Variants in RILPL1 observed in about 807,000 individuals in gnomAD.
The protein encoded by RILPL1 is Rab interacting lysosomal protein like 1, also known as RILP-like protein 1.
A neutral mutation model predicts 50.3 loss-of-function variants in RILPL1; 33 were observed. That is an observed-to-expected ratio of 0.66 (90% CI 0.50 to 0.88). RILPL1 has a LOEUF of 0.88. RILPL1 is among the 40% of genes least tolerant of loss of function. RILPL1 has a pLI of 0.00. For synonymous variants in RILPL1, 205 were observed against 228.6 expected (o/e 0.90, Z 0.93); for missense variants, 418 against 542.5 (o/e 0.77, Z 2.28).
intron 2 of RILPL1, among the ~76,000 whole-genome samples, chr12:123,503,601 T>C (rs1425309329): frequency 6.6e-6 from 1 of 152,084 alleles, no homozygotes; most frequent in Non-Finnish European, 1.5e-5. Context: ...TGTGGTCCCG[T>C]GGCCTTCTCC....
At chr12:123,520,870 C>T (rs1243166312) in intron 2 of RILPL1, among the ~76,000 whole-genome samples, 1 of 152,152 alleles carries the variant, frequency 6.6e-6, no homozygotes, top group Non-Finnish European at 1.5e-5. Flanking sequence ...TGGAACACCA[C>T]GGCGGATCAA....
At chr12:123,499,351 G>T in intron 3 of RILPL1, 67 bp downstream of exon 3, 1 of 1,052,834 alleles carries the variant, frequency 9.5e-7, no homozygotes, top group Non-Finnish European at 1.5e-6. Flanking sequence ...GCTGAGTGGA[G>T]GGTCTGGTCT....
intron 4 of RILPL1, among the ~76,000 whole-genome samples, chr12:123,492,472 T>C (rs1217685255): frequency 6.6e-6 from 1 of 151,402 alleles, no homozygotes; most frequent in Non-Finnish European, 1.5e-5. Context: ...CTGATGGGGG[T>C]GATGGGAATG....
intron 2 of RILPL1, chr12:123,518,325 G>A (rs1884825664): frequency 2.3e-6 from 1 of 427,990 alleles, no homozygotes; most frequent in African/African-American, 2.1e-5. Context: ...GCAACATAGT[G>A]AGACCCCCGT....
rs373514624 is a variant in RILPL1 at position 123,503,186 on chromosome 12, CTTTTTTTTTTTTTTTTTTT to C, written c.461-3669_461-3651del. ...ACAGGCGTGAACCACCACGCCTGGC[CTTTTTTTTTTTTTTTTTTT>C]TTTTTTTTTTTTTGAGACAGAGTCT... On this transcript the variant is annotated intron_variant, in intron 2 of 6. Coordinates refer to ENST00000376874, the MANE Select transcript of RILPL1 (RefSeq NM_178314.5). 1.9e-4 allele frequency among the ~76,000 whole-genome samples: 15 copies of C among 80,742 alleles called. No homozygotes were observed. In the South Asian group the frequency reaches 6.5e-3, roughly 35 times the overall value. The allele number at this position is 80,742 out of a possible 152,430, so 53.0% of individuals were successfully genotyped here.
At chr12:123,513,305 AT>A in intron 2 of RILPL1, 1 of 340,882 alleles carries the variant, frequency 2.9e-6, no homozygotes, top group Non-Finnish European at 6.2e-6. Flanking sequence ...CCCGCCTGCC[AT>A]TTGAACACTT....
At position 123,472,288 on chromosome 12, in the gene RILPL1, A is replaced by G; in HGVS notation, c.*250T>C. ...CTGGCCTCCGTTTGTGGGATTATTA[A>G]ATATATATCCTACGGGATCAGAGTC... On this transcript the variant is annotated 3_prime_UTR_variant, in exon 7 of 7. Coordinates refer to ENST00000376874, the MANE Select transcript of RILPL1 (RefSeq NM_178314.5). 1 of 443,930 alleles carries G rather than the reference A, an allele frequency of 2.3e-6. No homozygotes were observed. The highest frequency in any genetic ancestry group is 4.0e-6 in the Non-Finnish European group (1 of 248,146). 27.5% of individuals were successfully genotyped at this position (443,930 alleles called of 1,614,324 possible). A position where few individuals can be genotyped will look rare whatever the true frequency, so the allele number is the denominator to read the frequency against.
At position 123,472,493 on chromosome 12, in the gene RILPL1, G is replaced by A. The variant is rs1438229900; in HGVS notation, c.*45C>T. 2.6e-6 allele frequency: 4 copies of A among 1,547,400 alleles called. No homozygotes were observed. Among genetic ancestry groups the A allele is most frequent in the South Asian group, 1.2e-5 (1 of 83,904 alleles). ...CCTGGGCTGCAGTTCGGTTGCAGGC[G>A]CTGGTGGCGGGCAGTCCAGGTTGGA... On this transcript the variant is annotated 3_prime_UTR_variant, in exon 7 of 7. Transcript: ENST00000376874.
At chr12:123,530,127 G>C (rs1345949355) in intron 1 of RILPL1, among the ~76,000 whole-genome samples, 1 of 152,114 alleles carries the variant, frequency 6.6e-6, no homozygotes, top group Non-Finnish European at 1.5e-5. Context: ...TGGATCTACT[G>C]GGTCCCATAA....
At chr12:123,495,771 C>T (rs1458100981) in intron 4 of RILPL1, among the ~76,000 whole-genome samples, 1 of 149,338 alleles carries the variant, frequency 6.7e-6, no homozygotes, top group Non-Finnish European at 1.5e-5. Flanking sequence ...ACCTCCGCCT[C>T]CTGGGTTCAA....
chr12:123,514,186 G>A (rs1201440914), intron 2 of RILPL1: 2 of 152,136 alleles, frequency 1.3e-5, no homozygotes, highest in Non-Finnish European at 2.9e-5. Flanking sequence ...CAAAAATGAC[G>A]TGGGGTCTAA....
intron 2 of RILPL1, among the ~76,000 whole-genome samples, chr12:123,512,049 A>G (rs1370895015): frequency 1.2e-4 from 8 of 65,336 alleles, no homozygotes; most frequent in East Asian, 5.6e-4. Flanking sequence ...TGTGTGTGTG[A>G]GGTCTGTGTG....
chr12:123,499,954 C>T (rs534507280), intron 2 of RILPL1, among the ~76,000 whole-genome samples: 81 of 149,546 alleles, frequency 5.4e-4, no homozygotes, highest in African/African-American at 1.6e-3. Context: ...TTTTTTGAGA[C>T]GGAGTCTCGC....
chr12:123,490,827 C>T (rs879562358), intron 4 of RILPL1, among the ~76,000 whole-genome samples: 3 of 151,630 alleles, frequency 2.0e-5, no homozygotes, highest in Non-Finnish European at 2.9e-5. Flanking sequence ...CTCAGCTCAC[C>T]GCAACCTCTG....
intron 2 of RILPL1, among the ~76,000 whole-genome samples, chr12:123,523,129 G>A (rs182044207): frequency 1.3e-5 from 2 of 152,050 alleles, no homozygotes; most frequent in East Asian, 1.9e-4. Flanking sequence ...GCCGCCCCCT[G>A]GAACTATGGT....
chr12:123,512,690 G>A (rs569255329), intron 2 of RILPL1, among the ~76,000 whole-genome samples: 1 of 147,646 alleles, frequency 6.8e-6, no homozygotes, highest in South Asian at 2.2e-4. Context: ...TGTGTGGTGT[G>A]TGAGGTTTGT....
Position 123,499,979 on chromosome 12 carries a change from T to G in RILPL1, c.461-443A>C, listed in dbSNP as rs188405114. Among the ~76,000 whole-genome samples the G allele has an allele frequency of 7.4e-3, 1,131 of 151,842 alleles. 13 individuals are homozygous for G. The highest frequency in any genetic ancestry group is 0.026 in the African/African-American group (1,093 of 41,442). On this transcript the variant is annotated intron_variant, in intron 2 of 6. Transcript: ENST00000376874. ...CGGAGTCTCGCTCTGTCGCCCAGGC[T>G]GGAGTGCAGTGGCGCGATCTCGGCT...
At chr12:123,521,765 A>ATG (rs1401950925) in intron 2 of RILPL1, among the ~76,000 whole-genome samples, 1 of 143,890 alleles carries the variant, frequency 6.9e-6, no homozygotes, top group African/African-American at 2.6e-5. Flanking sequence ...ATACACACAT[A>ATG]TATGTGTATA....
rs1030464769 is a variant in RILPL1 at position 123,500,527 on chromosome 12, C to T, written c.461-991G>A. The stretch of plus-strand genomic sequence containing the variant: ...CTCAAACTCCTGACTTCAAGTGATC[C>T]GCCCACCTCGGCCTCCCGAAGTGCT... On this transcript the variant is annotated intron_variant, in intron 2 of 6. Coordinates refer to ENST00000376874, the MANE Select transcript of RILPL1 (RefSeq NM_178314.5). Among the ~76,000 whole-genome samples, 13 of 151,574 alleles carry T rather than the reference C, an allele frequency of 8.6e-5. 1 individual carries two copies. Among genetic ancestry groups the T allele is most frequent in the Non-Finnish European group, 1.0e-4 (7 of 67,910 alleles).
Sources: allele counts gnomAD v4.1 joint callset (sites outside exome capture counted in the v4.1 genomes callset), GRCh38; gene constraint gnomAD v4.1.1; transcripts MANE v1.5; gene names NCBI Gene and HGNC (gene_info 2026-07-23, HGNC 2026-07-21).